GABRB3: variants seen among roughly 807,000 people sequenced by gnomAD.
GABRB3 encodes gamma-aminobutyric acid type A receptor subunit beta3.
In GABRB3, 14 loss-of-function variants were observed where a neutral mutation model predicts 52.1. The ratio of observed to expected loss-of-function variants is 0.27; its 90% confidence interval spans 0.18 to 0.42. The LOEUF (loss-of-function observed/expected upper bound fraction) is 0.42. Among genes scored for constraint, GABRB3 ranks in the 10% least tolerant of loss-of-function variants. The probability of loss-of-function intolerance (pLI) is 1.00; values close to 1 mark genes in which losing one functional copy is unlikely to be tolerated. For missense variants in GABRB3, 307 were observed against 609.1 expected (o/e 0.50, Z 5.22); for synonymous variants, 260 against 232.3 (o/e 1.12, Z -1.08).
intron 3 of GABRB3, chr15:26,624,519 T>C (rs1181112810): frequency 1.5e-5 from 15 of 985,290 alleles, no homozygotes; most frequent in Non-Finnish European, 1.8e-5. Context: ...GCCTGACAGC[T>C]CGGGCTCCGC....
intron 3 of GABRB3, among the ~76,000 whole-genome samples, chr15:26,707,716 A>AT (rs1236885938): frequency 3.3e-5 from 5 of 152,208 alleles, no homozygotes; most frequent in African/African-American, 9.7e-5. Flanking sequence ...ACCCAATCGT[A>AT]TAAGTGTGAA....
chr15:26,586,707 AG>A (rs1891006539), intron 4 of GABRB3, among the ~76,000 whole-genome samples: 3 of 126,026 alleles, frequency 2.4e-5, no homozygotes, highest in Admixed American at 8.4e-5. Context: ...AAAAAAAAAG[AG>A]AGAGAGAGAA....
intron 3 of GABRB3, among the ~76,000 whole-genome samples, chr15:26,742,454 T>C (rs888715002): frequency 3.3e-5 from 5 of 152,096 alleles, no homozygotes; most frequent in South Asian, 2.1e-4. Context: ...TATTCCTTTA[T>C]GTTTTCTCCC....
In GABRB3 at chr15:26,621,804, C is replaced by T. The variant is rs1280179183; in HGVS notation, c.241-270G>A. On this transcript the variant is annotated intron_variant, in intron 3 of 8. Transcript: ENST00000311550. This position sits in a 1 kb window ranked among gnomAD's most constrained non-coding sequence, Gnocchi z 4.1. Reference sequence around the variant, plus strand: ...GCAGACTAGACAAACTGGCATTTAACAGATAACAGCATAGAAATAAACGGG... The same window carrying T: ...GCAGACTAGACAAACTGGCATTTAATAGATAACAGCATAGAAATAAACGGG... 1.3e-5 allele frequency among the ~76,000 whole-genome samples: 2 copies of T among 152,148 alleles called. No individual in the cohort carries two copies. The highest frequency in any genetic ancestry group is 4.8e-5 in the African/African-American group (2 of 41,430).
chr15:26,701,808 C>T (rs1888944216), intron 3 of GABRB3, among the ~76,000 whole-genome samples: 1 of 152,160 alleles, frequency 6.6e-6, no homozygotes, highest in Non-Finnish European at 1.5e-5. Context: ...AGTCATACAA[C>T]TAACACCACC....
intron 7 of GABRB3, among the ~76,000 whole-genome samples, chr15:26,565,178 T>C (rs2140689468): frequency 6.6e-6 from 1 of 151,994 alleles, no homozygotes; most frequent in South Asian, 2.1e-4. Flanking sequence ...TTGATGATGA[T>C]GATGATGATG....
chr15:26,754,263 G>C (rs769735426), intron 3 of GABRB3, among the ~76,000 whole-genome samples: 1 of 152,136 alleles, frequency 6.6e-6, no homozygotes, highest in Non-Finnish European at 1.5e-5. Flanking sequence ...CCAGCAACAA[G>C]GGTTCTCGAA....
intron 3 of GABRB3, among the ~76,000 whole-genome samples, chr15:26,769,785 T>C (rs1236562963): frequency 1.3e-5 from 2 of 152,196 alleles, no homozygotes; most frequent in Non-Finnish European, 2.9e-5. Flanking sequence ...CTCTCTGTTC[T>C]GTGTGCCTCT....
At chr15:26,628,988 G>C (rs1288691790) in intron 3 of GABRB3, 1 of 1,536,046 alleles carries the variant, frequency 6.5e-7, no homozygotes, top group Non-Finnish European at 8.7e-7. Flanking sequence ...TCTTCTGTCT[G>C]GTAGGTGGCC....
intron 3 of GABRB3, among the ~76,000 whole-genome samples, chr15:26,690,164 T>G (rs958412259): frequency 6.7e-6 from 1 of 148,824 alleles, no homozygotes; most frequent in East Asian, 2.0e-4. Flanking sequence ...AGTGTAGTGG[T>G]GCAATCATAG....
chr15:26,730,214 C>T (rs2140148974), intron 3 of GABRB3, among the ~76,000 whole-genome samples: 1 of 152,146 alleles, frequency 6.6e-6, no homozygotes, highest in East Asian at 1.9e-4. Context: ...TTCCTGAAGC[C>T]CTGTTGCCCC....
chr15:26,635,001 T>TAG (rs1893014549), intron 3 of GABRB3, among the ~76,000 whole-genome samples: 1 of 8,124 alleles, frequency 1.2e-4, no homozygotes. Context: ...TATATATATA[T>TAG]ATATATATAA....
chr15:26,763,686 A>G (rs1457992683), intron 3 of GABRB3, among the ~76,000 whole-genome samples: 1 of 151,778 alleles, frequency 6.6e-6, no homozygotes. Flanking sequence ...CTACTCATTA[A>G]AACTAATTAT....
intron 4 of GABRB3, chr15:26,614,080 A>C (rs1892171772): frequency 6.6e-6 from 1 of 152,240 alleles, no homozygotes; most frequent in Admixed American, 6.5e-5. Flanking sequence ...GCAGGAGCCA[A>C]GTCCTCCAGT....
intron 3 of GABRB3, among the ~76,000 whole-genome samples, chr15:26,631,887 A>G (rs1423828309): frequency 6.6e-6 from 1 of 152,198 alleles, no homozygotes; most frequent in African/African-American, 2.4e-5. Flanking sequence ...TTAAGCATTG[A>G]TTATCTACCA....
chr15:26,749,087 G>C (rs1890429966), intron 3 of GABRB3, among the ~76,000 whole-genome samples: 1 of 151,858 alleles, frequency 6.6e-6, no homozygotes, highest in Non-Finnish European at 1.5e-5. Context: ...GGTTTGTTTT[G>C]ATCTACCTTT....
chr15:26,649,750 G>A lies in GABRB3; in HGVS notation c.241-28216C>T, dbSNP rs144774519. Among the ~76,000 whole-genome samples, 34 of 149,534 alleles carry A rather than the reference G, an allele frequency of 2.3e-4. No homozygotes were observed. In the East Asian group the frequency reaches 3.8e-3, roughly 17 times the overall value. On this transcript the variant is annotated intron_variant, in intron 3 of 8. Coordinates refer to ENST00000311550, the MANE Select transcript of GABRB3 (RefSeq NM_000814.6). Reference sequence around the variant, plus strand: ...AAGATAAGTCGATAAAAGAATGGACGGATGGATGCATAGATAGATGGTAGC... The same window carrying A: ...AAGATAAGTCGATAAAAGAATGGACAGATGGATGCATAGATAGATGGTAGC...
At chr15:26,701,470 T>A (rs2140681563) in intron 3 of GABRB3, among the ~76,000 whole-genome samples, 1 of 152,250 alleles carries the variant, frequency 6.6e-6, no homozygotes, top group South Asian at 2.1e-4. Context: ...AAAATTTACA[T>A]TAAAAATACT....
intron 3 of GABRB3, among the ~76,000 whole-genome samples, chr15:26,761,860 G>T (rs1472677847): frequency 6.6e-6 from 1 of 151,946 alleles, no homozygotes; most frequent in Non-Finnish European, 1.5e-5. Context: ...TTAGAGACAG[G>T]GTTTCTCTCT....
Sources: gnomAD v4.1 joint callset for allele counts (sites outside exome capture counted in the v4.1 genomes callset) on GRCh38, gnomAD v4.1.1 for gene constraint, Gnocchi (gnomAD v3.1) non-coding constraint, MANE v1.5 for transcripts, NCBI Gene and HGNC (gene_info 2026-07-23, HGNC 2026-07-21) for gene names.